The following VXN variants were observed in gnomAD, a reference collection of about 807,000 sequenced individuals.
VXN encodes the protein uncharacterized protein C8orf46.
Under a neutral mutation model 23.1 loss-of-function variants are expected in VXN, and 7 were observed. The observed-to-expected ratio is 0.30, with a 90% CI of 0.17 to 0.57. VXN has a LOEUF of 0.57. Among genes scored for constraint, VXN ranks in the 20% least tolerant of loss-of-function variants. VXN has a pLI of 0.91. For missense variants in VXN, 238 were observed against 272.6 expected, an observed-to-expected ratio of 0.87 and a Z score of 0.89; for synonymous variants, 120 against 105.8, an observed-to-expected ratio of 1.13 and a Z score of -0.83.
chr8:66,496,002 GTC>G (rs1164620224), intron 1 of VXN, among the ~76,000 whole-genome samples: 4 of 152,016 alleles, frequency 2.6e-5, no homozygotes, highest in African/African-American at 9.7e-5. Flanking sequence ...TTGTTTTTCT[GTC>G]TCTATGAATT....
rs560663254 is a variant in VXN at position 66,498,513 on chromosome 8, C to T, written c.126+2021C>T. Reference sequence around the variant, plus strand: ...TTTTATACAATACAGTAGTCCCCCCCTTATCTGCAGGAAATATGTTCCAAA... The same window carrying T: ...TTTTATACAATACAGTAGTCCCCCCTTTATCTGCAGGAAATATGTTCCAAA... On this transcript the variant is annotated intron_variant, in intron 2 of 5. Coordinates refer to ENST00000305454, the MANE Select transcript of VXN (RefSeq NM_152765.4). 2.0e-5 allele frequency among the ~76,000 whole-genome samples: 3 copies of T among 152,318 alleles called. No homozygotes were observed. In the East Asian group the frequency reaches 5.8e-4, roughly 29 times the overall value.
At chr8:66,498,167 C>CA (rs57990704) in intron 2 of VXN, among the ~76,000 whole-genome samples, 13,312 of 120,926 alleles carry the variant, frequency 0.11, 719 homozygotes, top group African/African-American at 0.17. Flanking sequence ...GACTCCGTCT[C>CA]AAAAAAAAAA....
At chr8:66,495,491 G>A (rs1807615990) in intron 1 of VXN, among the ~76,000 whole-genome samples, 1 of 152,198 alleles carries the variant, frequency 6.6e-6, no homozygotes. Flanking sequence ...AAAGCATCTA[G>A]AACAGTAGCT....
At chr8:66,502,100 T>C (rs909009660) in intron 2 of VXN, among the ~76,000 whole-genome samples, 1 of 152,218 alleles carries the variant, frequency 6.6e-6, no homozygotes, top group African/African-American at 2.4e-5. Context: ...CCTTCTTCTC[T>C]GATTCCTCTT....
At position 66,499,943 on chromosome 8, in the gene VXN, T is replaced by G. The variant is rs565239976; in HGVS notation, c.126+3451T>G. ...GGTTTTGTCATGTTGCCCAGGCTGG[T>G]TTTGAACTCTTGGGCTCAAGCAAAC... On this transcript the variant is annotated intron_variant, in intron 2 of 5. Transcript: ENST00000305454. Among the ~76,000 whole-genome samples, 5 of 152,084 alleles carry G rather than the reference T, an allele frequency of 3.3e-5. No homozygotes were observed. In the South Asian group the frequency reaches 1.0e-3, roughly 32 times the overall value.
At position 66,506,231 on chromosome 8, in the gene VXN, C is replaced by G. The variant is rs200310094; in HGVS notation, c.280+703C>G. Among the ~76,000 whole-genome samples, 552 of 84,690 alleles carry G rather than the reference C, an allele frequency of 6.5e-3. 4 individuals carry two copies. Among genetic ancestry groups the G allele is most frequent in the African/African-American group, 0.028 (489 of 17,230 alleles). 55.6% of individuals were successfully genotyped at this position (84,690 alleles called of 152,430 possible). ...ACAGAGAGAGAGAGAGAGAGAGAGA[C>G]AGTGTGTGTGTGTGTGTGTGTGTGT... On this transcript the variant is annotated intron_variant, in intron 3 of 5. Coordinates refer to ENST00000305454, the MANE Select transcript of VXN (RefSeq NM_152765.4).
chr8:66,508,269 C>T (rs1807781423), intron 3 of VXN, among the ~76,000 whole-genome samples: 1 of 152,146 alleles, frequency 6.6e-6, no homozygotes, highest in South Asian at 2.1e-4. Context: ...TGGTACCTAC[C>T]TCAAGCCACC....
chr8:66,512,804 T>A (rs1216818659), intron 4 of VXN, among the ~76,000 whole-genome samples: 1 of 152,124 alleles, frequency 6.6e-6, no homozygotes, highest in Non-Finnish European at 1.5e-5. Context: ...GAGGAGATAT[T>A]GCTGTGCCAG....
At chr8:66,496,151 CTGAG>C (rs142332605) in intron 1 of VXN, among the ~76,000 whole-genome samples, 4,219 of 152,264 alleles carry the variant, frequency 0.028, 207 homozygotes, top group African/African-American at 0.095. Context: ...CTTTTCAAGG[CTGAG>C]TAATATTCCA....
At chr8:66,508,494 C>T (rs1807784930) in intron 3 of VXN, among the ~76,000 whole-genome samples, 1 of 152,178 alleles carries the variant, frequency 6.6e-6, no homozygotes, top group Non-Finnish European at 1.5e-5. Context: ...CCCCTGTCCC[C>T]ACCGTTCTAT....
Position 66,516,155 on chromosome 8 carries a change from C to A in VXN, c.*79C>A. 7.7e-7 allele frequency: 1 copy of A among 1,304,810 alleles called. No homozygotes were observed. Among genetic ancestry groups the A allele is most frequent in the Non-Finnish European group, 1.0e-6 (1 of 970,580 alleles). 80.8% of individuals were successfully genotyped at this position (1,304,810 alleles called of 1,614,324 possible). A position where few individuals can be genotyped will look rare whatever the true frequency, so the allele number is the denominator to read the frequency against. On this transcript the variant is annotated 3_prime_UTR_variant, in exon 6 of 6. Coordinates refer to ENST00000305454, the MANE Select transcript of VXN (RefSeq NM_152765.4). ...AAAACCTTCAGGATTGAAACTGAGC[C>A]ACACGCACCTCTGCTAGTAGCTGGT...
In VXN at chr8:66,502,326, TG is replaced by T. The variant is rs1807700703; in HGVS notation, c.127-3047del. Among the ~76,000 whole-genome samples the T allele has an allele frequency of 3.3e-5, 5 of 152,322 alleles. No homozygotes were observed. In the South Asian group the frequency reaches 1.0e-3, roughly 32 times the overall value. On this transcript the variant is annotated intron_variant, in intron 2 of 5. Transcript: ENST00000305454. Reference sequence around the variant, plus strand: ...ATGGAGCCACGACAATGAAGATTCGTGGCCCCTTCAGAATAAGCAGGCGGTC... The same window carrying T: ...ATGGAGCCACGACAATGAAGATTCGTGCCCCTTCAGAATAAGCAGGCGGTC...
chr8:66,510,083 T>C lies in VXN; in HGVS notation c.281-13T>C, dbSNP rs765016512. On this transcript the variant is annotated splice_polypyrimidine_tract_variant and intron_variant, in intron 3 of 5. Transcript: ENST00000305454. Reference sequence around the variant, plus strand: ...GTACCACTGAGTAATATCTCCTCTGTTCAACATTGCAGTGGGGATTTCTGA... The same window carrying C: ...GTACCACTGAGTAATATCTCCTCTGCTCAACATTGCAGTGGGGATTTCTGA... 6.2e-7 allele frequency: 1 copy of C among 1,612,892 alleles called. No individual in the cohort carries two copies. The highest frequency in any genetic ancestry group is 1.1e-5 in the South Asian group (1 of 91,048).
At chr8:66,510,003 G>A (rs1807803588) in intron 3 of VXN, 93 bp from the exon 4 acceptor site, 2 of 1,214,380 alleles carry the variant, frequency 1.6e-6, no homozygotes, top group African/African-American at 1.5e-5. Context: ...TCCCTGGCGT[G>A]GTTGATTGGC....
chr8:66,496,319 G>A (rs542434937), intron 1 of VXN, 118 bp from the exon 2 acceptor site: 25 of 882,698 alleles, frequency 2.8e-5, no homozygotes, highest in East Asian at 2.0e-4. Context: ...TCTTTTTCCC[G>A]TCCCCTCCTC....
At chr8:66,512,535 C>G (rs1329704654) in intron 4 of VXN, among the ~76,000 whole-genome samples, 1 of 152,190 alleles carries the variant, frequency 6.6e-6, no homozygotes, top group Non-Finnish European at 1.5e-5. Flanking sequence ...TAAGCAGCCT[C>G]TGGACTTAGC....
At chr8:66,514,318 C>T (rs532387894) in intron 5 of VXN, 7 of 152,290 alleles carry the variant, frequency 4.6e-5, no homozygotes, top group African/African-American at 1.7e-4. Context: ...CAACCCACCA[C>T]GACTTCAGGC....
chr8:66,496,411 C>T, intron 1 of VXN, 26 bp from the exon 2 acceptor site: 1 of 1,612,806 alleles, frequency 6.2e-7, no homozygotes, highest in Non-Finnish European at 8.5e-7. Context: ...TTGTCTAAAA[C>T]CATTTCTTTC....
intron 2 of VXN, chr8:66,501,065 G>C (rs1436161272): frequency 1.3e-5 from 2 of 151,750 alleles, no homozygotes; most frequent in Admixed American, 1.3e-4. Flanking sequence ...TAGTAGAGAC[G>C]GGGTTTCACC....
Sources: allele counts gnomAD v4.1 joint callset (sites outside exome capture counted in the v4.1 genomes callset), GRCh38; gene constraint gnomAD v4.1.1; transcripts MANE v1.5; gene names NCBI Gene and HGNC (gene_info 2026-07-23, HGNC 2026-07-21).